SH3BP4: variants seen among roughly 807,000 people sequenced by gnomAD.
The protein encoded by SH3BP4 is SH3 domain binding protein 4, also known as SH3 domain-binding protein 4.
In SH3BP4, 33 loss-of-function variants were observed where a neutral mutation model predicts 65.5. The observed-to-expected ratio is 0.50, with a 90% confidence interval of 0.38 to 0.67. SH3BP4 has a LOEUF of 0.67. Ranked by LOEUF, SH3BP4 falls within the 30% of genes least tolerant of loss-of-function variation. The pLI is 0.00. For synonymous variants in SH3BP4, 552 were observed against 545.5 expected, an observed-to-expected ratio of 1.01 and a Z score of -0.17; for missense variants, 1,134 against 1,261.4, an observed-to-expected ratio of 0.90 and a Z score of 1.53.
intron 3 of SH3BP4, among the ~76,000 whole-genome samples, chr2:235,038,312 T>TAC (rs1491342675): frequency 1.6e-3 from 16 of 10,260 alleles, no homozygotes; most frequent in African/African-American, 7.3e-3. Context: ...TATATATATA[T>TAC]TATATATTAT....
intron 1 of SH3BP4, among the ~76,000 whole-genome samples, chr2:234,981,323 C>T (rs1260473724): frequency 6.6e-6 from 1 of 152,118 alleles, no homozygotes; most frequent in Non-Finnish European, 1.5e-5. Flanking sequence ...GCTCTGTTCC[C>T]GTCTGTGGCT....
intron 2 of SH3BP4, among the ~76,000 whole-genome samples, chr2:235,027,791 A>T (rs1574832091): frequency 6.6e-6 from 1 of 152,148 alleles, no homozygotes; most frequent in Non-Finnish European, 1.5e-5. Flanking sequence ...GAGAACGTGA[A>T]CAGTCTGTGC....
chr2:235,040,228 C>T (rs1298308178), intron 3 of SH3BP4, among the ~76,000 whole-genome samples: 1 of 150,146 alleles, frequency 6.7e-6, no homozygotes, highest in Non-Finnish European at 1.5e-5. Flanking sequence ...GAGTGAGACA[C>T]TGTCTCATAA....
At chr2:235,029,953 A>G (rs1377996713) in intron 2 of SH3BP4, among the ~76,000 whole-genome samples, 1 of 152,210 alleles carries the variant, frequency 6.6e-6, no homozygotes, top group African/African-American at 2.4e-5. Flanking sequence ...TTGAAGGAAC[A>G]ATGCAGAGGT....
rs181849673 is a variant in SH3BP4 at position 234,970,484 on chromosome 2, G to C, written c.-207+18314G>C. ...GCAGTTTAGACAGTTACCTCCTTTG[G>C]AATACGTGTCTTGAGTGGTATCATT... On this transcript the variant is annotated intron_variant, in intron 1 of 5. Transcript: ENST00000392011. Among the ~76,000 whole-genome samples the C allele has an allele frequency of 1.8e-3, 268 of 152,302 alleles. 1 individual carries two copies. Among genetic ancestry groups the C allele is most frequent in the Non-Finnish European group, 3.2e-3 (220 of 68,024 alleles).
chr2:234,955,937 C>A (rs1447096002), intron 1 of SH3BP4, among the ~76,000 whole-genome samples: 1 of 152,160 alleles, frequency 6.6e-6, no homozygotes, highest in East Asian at 1.9e-4. Context: ...CTGGATCTGT[C>A]CAAGTCCAGA....
intron 2 of SH3BP4, among the ~76,000 whole-genome samples, chr2:235,015,821 G>A (rs1694669979): frequency 6.6e-6 from 1 of 152,116 alleles, no homozygotes. Context: ...ACGTCATCCA[G>A]GGAAGCTCCC....
chr2:235,044,659 C>T (rs1559259153), intron 4 of SH3BP4, among the ~76,000 whole-genome samples: 2 of 152,378 alleles, frequency 1.3e-5, no homozygotes, highest in Non-Finnish European at 2.9e-5. Context: ...TGCCACCTCC[C>T]CGGCTCCCCT....
chr2:235,051,151 C>T (rs902957352), intron 4 of SH3BP4, among the ~76,000 whole-genome samples: 8 of 152,190 alleles, frequency 5.3e-5, no homozygotes, highest in Non-Finnish European at 1.2e-4. Context: ...CTCCTGCCTT[C>T]CTGGTGACGT....
chr2:235,001,883 T>G (rs976559608), intron 2 of SH3BP4, among the ~76,000 whole-genome samples: 1 of 152,176 alleles, frequency 6.6e-6, no homozygotes, highest in African/African-American at 2.4e-5. Flanking sequence ...TTTTTTGACA[T>G]GGAGTCTTAC....
chr2:234,987,109 G>A (rs1322999542), intron 1 of SH3BP4, among the ~76,000 whole-genome samples: 2 of 152,036 alleles, frequency 1.3e-5, no homozygotes, highest in Non-Finnish European at 2.9e-5. Flanking sequence ...ACATCAGCTG[G>A]GAGCATGTTA....
rs1695019864 is a variant in SH3BP4 at position 235,026,920 on chromosome 2, G to A, written c.-132-7951G>A. On this transcript the variant is annotated intron_variant, in intron 2 of 5. Transcript: ENST00000392011. The surrounding 1 kb of genome is among the most constrained non-coding windows in gnomAD (Gnocchi z 4.6). ...CCCCAGGAAGAGGCAGCCCGCCCGA[G>A]CCCCAGGCAGCATGTTCCTCCTGTG... Among the ~76,000 whole-genome samples, 1 of 152,212 alleles carries A rather than the reference G, an allele frequency of 6.6e-6. No homozygotes were observed. Among genetic ancestry groups the A allele is most frequent in the South Asian group, 2.1e-4 (1 of 4,824 alleles).
intron 3 of SH3BP4, among the ~76,000 whole-genome samples, chr2:235,040,683 G>T (rs776281047): frequency 1.3e-5 from 2 of 151,936 alleles, no homozygotes; most frequent in Admixed American, 1.3e-4. Context: ...ATAGGCTGTC[G>T]ATTTTGAAGG....
chr2:235,036,748 A>ATAATAATAATAATAG (rs1180077160), intron 3 of SH3BP4, among the ~76,000 whole-genome samples: 1 of 151,194 alleles, frequency 6.6e-6, no homozygotes, highest in East Asian at 1.9e-4. Flanking sequence ...AAAAATAATA[A>ATAATAATAATAATAG]TAATAATAAT....
At chr2:235,040,461 C>T (rs1695594639) in intron 3 of SH3BP4, among the ~76,000 whole-genome samples, 1 of 151,482 alleles carries the variant, frequency 6.6e-6, no homozygotes, top group Non-Finnish European at 1.5e-5. Flanking sequence ...TCCCTGATCA[C>T]ATGCAGTGGT....
At chr2:235,032,481 A>T (rs1052782822) in intron 2 of SH3BP4, among the ~76,000 whole-genome samples, 1 of 152,102 alleles carries the variant, frequency 6.6e-6, no homozygotes, top group Admixed American at 6.5e-5. Flanking sequence ...TTTACTCCTC[A>T]CTCAGCCTAT....
chr2:234,970,007 T>A (rs1692944136), intron 1 of SH3BP4, among the ~76,000 whole-genome samples: 1 of 150,240 alleles, frequency 6.7e-6, no homozygotes, highest in Admixed American at 6.7e-5. Flanking sequence ...ACTCGCTGTC[T>A]CACACACACA....
At chr2:235,048,788 C>CT (rs1314503827) in intron 4 of SH3BP4, among the ~76,000 whole-genome samples, 1 of 152,248 alleles carries the variant, frequency 6.6e-6, no homozygotes, top group Non-Finnish European at 1.5e-5. Flanking sequence ...GGCAAAAGTA[C>CT]TATCTGTCCC....
chr2:235,014,782 C>T (rs1200485918), intron 2 of SH3BP4, among the ~76,000 whole-genome samples: 3 of 152,078 alleles, frequency 2.0e-5, no homozygotes, highest in Admixed American at 6.6e-5. Context: ...GGATTAGGGC[C>T]CCCCAGTCAC....
Sources: allele counts gnomAD v4.1 joint callset (sites outside exome capture counted in the v4.1 genomes callset), GRCh38; gene constraint gnomAD v4.1.1; non-coding constraint Gnocchi (gnomAD v3.1); transcripts MANE v1.5; gene names NCBI Gene and HGNC (gene_info 2026-07-23, HGNC 2026-07-21).